The following CCBE1 variants were observed in gnomAD, a reference collection of about 807,000 sequenced individuals.
CCBE1 encodes collagen and calcium binding EGF domains 1.
In CCBE1, 37 loss-of-function variants were observed where a neutral mutation model predicts 50.0. The observed-to-expected ratio is 0.74, with a 90% CI of 0.57 to 0.97. The LOEUF (loss-of-function observed/expected upper bound fraction) is 0.97. CCBE1 is among the 50% of genes least tolerant of loss of function. CCBE1 has a pLI of 0.00. For missense variants in CCBE1, 538 were observed against 523.8 expected, an observed-to-expected ratio of 1.03 and a Z score of -0.26; for synonymous variants, 234 against 203.7, an observed-to-expected ratio of 1.15 and a Z score of -1.27.
At chr18:59,582,222 A>T (rs1373328112) in intron 2 of CCBE1, among the ~76,000 whole-genome samples, 1 of 152,250 alleles carries the variant, frequency 6.6e-6, no homozygotes, top group African/African-American at 2.4e-5. Context: ...TGAAGTCTTC[A>T]CCGCCACCTC....
At chr18:59,460,559 C>G (rs1353109961) in intron 5 of CCBE1, among the ~76,000 whole-genome samples, 1 of 152,166 alleles carries the variant, frequency 6.6e-6, no homozygotes, top group African/African-American at 2.4e-5. Flanking sequence ...TGTAATAATT[C>G]ATCTTTTAGA....
At chr18:59,609,520 G>C (rs1056742497) in intron 2 of CCBE1, among the ~76,000 whole-genome samples, 10 of 152,058 alleles carry the variant, frequency 6.6e-5, no homozygotes, top group Non-Finnish European at 1.0e-4. Context: ...CCTTACTTCA[G>C]TCTCCACATC....
chr18:59,633,706 C>CCTTACCACT (rs1244212622), intron 2 of CCBE1, among the ~76,000 whole-genome samples: 23 of 151,598 alleles, frequency 1.5e-4, no homozygotes, highest in African/African-American at 5.3e-4. Context: ...CAAAGACAGG[C>CCTTACCACT]TGCTTCTTCC....
At chr18:59,438,936 G>A (rs1368634474) in intron 9 of CCBE1, among the ~76,000 whole-genome samples, 3 of 152,052 alleles carry the variant, frequency 2.0e-5, no homozygotes, top group Non-Finnish European at 4.4e-5. Context: ...GATCACCTGG[G>A]GTCAGGAGTT....
intron 4 of CCBE1, among the ~76,000 whole-genome samples, chr18:59,467,138 G>A (rs577388917): frequency 2.0e-5 from 3 of 152,308 alleles, no homozygotes; most frequent in South Asian, 2.1e-4. Flanking sequence ...TCTGCCACTC[G>A]CAAGTCATGT....
chr18:59,626,290 C>T (rs980826955), intron 2 of CCBE1, among the ~76,000 whole-genome samples: 1 of 152,110 alleles, frequency 6.6e-6, no homozygotes, highest in Admixed American at 6.5e-5. Context: ...TAAAGTAAAC[C>T]ACCTCGCAAT....
intron 3 of CCBE1, among the ~76,000 whole-genome samples, chr18:59,472,051 G>T (rs1340831694): frequency 7.9e-5 from 12 of 152,336 alleles, no homozygotes; most frequent in African/African-American, 2.9e-4. Context: ...TCCAACACTT[G>T]CAAAATCAGC....
At chr18:59,572,856 T>C (rs28549733) in intron 2 of CCBE1, among the ~76,000 whole-genome samples, 4,642 of 152,262 alleles carry the variant, frequency 0.03, 221 homozygotes, top group African/African-American at 0.11. Context: ...GGTTTTAGTT[T>C]ATGTGTCAAT....
intron 2 of CCBE1, among the ~76,000 whole-genome samples, chr18:59,677,294 A>G (rs191125194): frequency 3.2e-4 from 48 of 152,310 alleles, no homozygotes; most frequent in Non-Finnish European, 6.8e-4. Flanking sequence ...AATAATCTAA[A>G]ATTGCTTCTG....
At chr18:59,629,656 T>A (rs1295225814) in intron 2 of CCBE1, among the ~76,000 whole-genome samples, 1 of 152,216 alleles carries the variant, frequency 6.6e-6, no homozygotes, top group African/African-American at 2.4e-5. Context: ...CACTTGCTTT[T>A]TGCTAACAGA....
intron 2 of CCBE1, among the ~76,000 whole-genome samples, chr18:59,493,805 CAT>C (rs759590536): frequency 6.6e-6 from 1 of 152,238 alleles, no homozygotes; most frequent in Non-Finnish European, 1.5e-5. Context: ...ACAATTCCCA[CAT>C]GTCATAGGAG....
chr18:59,593,465 A>G (rs1254968224), intron 2 of CCBE1, among the ~76,000 whole-genome samples: 1 of 152,274 alleles, frequency 6.6e-6, no homozygotes, highest in Non-Finnish European at 1.5e-5. Flanking sequence ...TACCAACTGT[A>G]AATTCCAAAG....
At position 59,546,801 on chromosome 18, in the gene CCBE1, A is replaced by G. The variant is rs549880157; in HGVS notation, c.213-66563T>C. On this transcript the variant is annotated intron_variant, in intron 2 of 10. Transcript: ENST00000439986. ...TATGTTACTTCTAGGCTTTGTGTCTATAGTAATTTAAAACAATCTTTTATC... is the reference window on the plus strand; with the variant it reads ...TATGTTACTTCTAGGCTTTGTGTCTGTAGTAATTTAAAACAATCTTTTATC... 3.4e-3 allele frequency among the ~76,000 whole-genome samples: 525 copies of G among 152,248 alleles called. 5 individuals carry two copies. Among genetic ancestry groups the G allele is most frequent in the African/African-American group, 0.012 (511 of 41,540 alleles).
chr18:59,471,657 G>A (rs1912040509), intron 3 of CCBE1, among the ~76,000 whole-genome samples: 2 of 152,138 alleles, frequency 1.3e-5, no homozygotes, highest in African/African-American at 2.4e-5. Context: ...CTTCTTCCAT[G>A]GGCTACTTTG....
At chr18:59,469,734 T>G in intron 3 of CCBE1, 127 bp from the exon 4 acceptor site, 3 of 1,257,910 alleles carry the variant, frequency 2.4e-6, no homozygotes, top group East Asian at 2.3e-5. Flanking sequence ...ACAGATATAC[T>G]TGGAGGGACA....
At chr18:59,558,146 T>C (rs1241987275) in intron 2 of CCBE1, among the ~76,000 whole-genome samples, 2 of 152,238 alleles carry the variant, frequency 1.3e-5, no homozygotes, top group Non-Finnish European at 2.9e-5. Context: ...CTAGCTGAAG[T>C]AAAGCAAGAT....
intron 2 of CCBE1, among the ~76,000 whole-genome samples, chr18:59,677,299 CT>C (rs1284072101): frequency 6.6e-6 from 1 of 152,160 alleles, no homozygotes; most frequent in Non-Finnish European, 1.5e-5. Context: ...TCTAAAATTG[CT>C]TCTGAATTTG....
At chr18:59,533,785 C>A (rs1457382246) in intron 2 of CCBE1, among the ~76,000 whole-genome samples, 2 of 152,188 alleles carry the variant, frequency 1.3e-5, no homozygotes, top group East Asian at 3.8e-4. Flanking sequence ...GAAAGATCAT[C>A]TTGGTTGTGA....
At chr18:59,644,706 ACCT>A (rs775756717) in intron 2 of CCBE1, among the ~76,000 whole-genome samples, 52 of 151,740 alleles carry the variant, frequency 3.4e-4, no homozygotes, top group Non-Finnish European at 5.3e-4. Flanking sequence ...GCCCCCTAAT[ACCT>A]CCTATTTCTC....
Sources: gnomAD v4.1 joint callset for allele counts (sites outside exome capture counted in the v4.1 genomes callset) on GRCh38, gnomAD v4.1.1 for gene constraint, MANE v1.5 for transcripts, NCBI Gene and HGNC (gene_info 2026-07-23, HGNC 2026-07-21) for gene names.